ARHGAP22: variants seen among roughly 807,000 people sequenced by gnomAD.
The protein encoded by ARHGAP22 is rho GTPase-activating protein 22.
A neutral mutation model predicts 59.1 loss-of-function variants in ARHGAP22; 48 were observed. The observed-to-expected ratio is 0.81, with a 90% CI of 0.64 to 1.03. The LOEUF (loss-of-function observed/expected upper bound fraction) is 1.03, where lower values mean the gene tolerates loss of function less well. Ranked by LOEUF, ARHGAP22 falls within the 50% of genes least tolerant of loss-of-function variation. The probability of loss-of-function intolerance (pLI) is 0.00; values close to 1 mark genes in which losing one functional copy is unlikely to be tolerated. For synonymous variants in ARHGAP22, 445 were observed against 416.4 expected (o/e 1.07, Z -0.84); for missense variants, 1,015 against 958.7 (o/e 1.06, Z -0.78).
intron 3 of ARHGAP22, among the ~76,000 whole-genome samples, chr10:48,530,572 GAAGAA>G: frequency 6.6e-6 from 1 of 151,960 alleles, no homozygotes; most frequent in South Asian, 2.1e-4. Flanking sequence ...AAATCAACAA[GAAGAA>G]AACAAACAAT....
At chr10:48,461,249 TA>T (rs1486532904) in intron 4 of ARHGAP22, among the ~76,000 whole-genome samples, 1 of 152,170 alleles carries the variant, frequency 6.6e-6, no homozygotes, top group Non-Finnish European at 1.5e-5. Context: ...TATGTAAAGT[TA>T]AAAACAGGTC....
intron 1 of ARHGAP22, among the ~76,000 whole-genome samples, chr10:48,617,162 A>G (rs2061112310): frequency 6.6e-6 from 1 of 152,000 alleles, no homozygotes; most frequent in South Asian, 2.1e-4. Context: ...TTAAAATATG[A>G]TCCCCTATGC....
intron 3 of ARHGAP22, among the ~76,000 whole-genome samples, chr10:48,506,854 T>C (rs2052192521): frequency 6.6e-6 from 1 of 152,154 alleles, no homozygotes; most frequent in African/African-American, 2.4e-5. Context: ...TATTTTTCCA[T>C]TTTCTGCAGA....
intron 1 of ARHGAP22, among the ~76,000 whole-genome samples, chr10:48,593,883 T>C (rs1292993332): frequency 1.3e-5 from 2 of 152,214 alleles, no homozygotes; most frequent in East Asian, 3.8e-4. Flanking sequence ...CACAGTTAGG[T>C]CTGGAAGGAA....
the ARHGAP22 span, among the ~76,000 whole-genome samples, chr10:48,432,849 T>C: frequency 6.6e-6 from 1 of 152,242 alleles, no homozygotes; most frequent in South Asian, 2.1e-4. Context: ...TTCTGGATCC[T>C]CAGTTATAGC....
At chr10:48,439,784 A>G in the ARHGAP22 span, among the ~76,000 whole-genome samples, 1 of 152,194 alleles carries the variant, frequency 6.6e-6, no homozygotes, top group South Asian at 2.1e-4. Flanking sequence ...GTGTGGGAAT[A>G]CAGGGTCCCT....
At chr10:48,454,200 A>C in intron 6 of ARHGAP22, 39 bp from the exon 7 acceptor site, 2 of 1,501,382 alleles carry the variant, frequency 1.3e-6, no homozygotes, top group Non-Finnish European at 9.3e-7. Flanking sequence ...ACCGGCAATG[A>C]GGGCCCTGAC....
intron 3 of ARHGAP22, among the ~76,000 whole-genome samples, chr10:48,550,209 G>C (rs1042334663): frequency 2.6e-5 from 4 of 152,172 alleles, no homozygotes; most frequent in African/African-American, 9.7e-5. Flanking sequence ...CACTCCCTGC[G>C]TGCATTAGGG....
downstream of ARHGAP22, among the ~76,000 whole-genome samples, chr10:48,441,521 C>T (rs568547466): frequency 2.4e-4 from 36 of 151,056 alleles, no homozygotes; most frequent in Admixed American, 3.3e-4. Flanking sequence ...ACGTGATCTC[C>T]GCTCACTGCA....
At chr10:48,566,164 A>G (rs10491042) in intron 2 of ARHGAP22, among the ~76,000 whole-genome samples, 58,714 of 151,968 alleles carry the variant, frequency 0.39, 12,780 homozygotes, top group East Asian at 0.89. Context: ...TCTTTTTACC[A>G]AGTCTCCTGA....
At chr10:48,503,703 A>G (rs1312891699) in intron 3 of ARHGAP22, among the ~76,000 whole-genome samples, 1 of 152,218 alleles carries the variant, frequency 6.6e-6, no homozygotes, top group Admixed American at 6.5e-5. Flanking sequence ...TGGAACTGCA[A>G]TGTGCATCGA....
chr10:48,652,144 C>T lies in ARHGAP22; in HGVS notation c.52+90G>A, dbSNP rs555034306. 13 of 1,271,780 alleles carry T rather than the reference C, an allele frequency of 1.0e-5. No homozygotes were observed. The African/African-American group carries it at 1.9e-4, about 19-fold the overall frequency. 78.8% of individuals were successfully genotyped at this position (1,271,780 alleles called of 1,614,324 possible). On this transcript the variant is annotated intron_variant, in intron 1 of 9. Transcript: ENST00000435790. Reference sequence around the variant, plus strand: ...CCGCCTGGTGCTCTCAGCCACAAGACCAAGACAGCCTCCGGGGACCCCATC... The same window carrying T: ...CCGCCTGGTGCTCTCAGCCACAAGATCAAGACAGCCTCCGGGGACCCCATC...
intron 1 of ARHGAP22, among the ~76,000 whole-genome samples, chr10:48,650,295 T>C (rs1029923734): frequency 2.0e-5 from 3 of 151,808 alleles, no homozygotes; most frequent in African/African-American, 7.3e-5. Flanking sequence ...CTTGGAAAAA[T>C]TATGCTAAGT....
intron 1 of ARHGAP22, among the ~76,000 whole-genome samples, chr10:48,651,353 C>G (rs1463380834): frequency 6.6e-6 from 1 of 152,130 alleles, no homozygotes; most frequent in Admixed American, 6.5e-5. Context: ...AACTGCCAAC[C>G]ATCACCTACA....
rs550916792 is a variant in ARHGAP22 at position 48,615,784 on chromosome 10, C to T, written c.53-32632G>A. 5.9e-5 allele frequency among the ~76,000 whole-genome samples: 9 copies of T among 151,778 alleles called. No individual in the cohort carries two copies. In the East Asian group the frequency reaches 7.7e-4, roughly 13 times the overall value. On this transcript the variant is annotated intron_variant, in intron 1 of 9. Coordinates refer to the ARHGAP22 transcript ENST00000435790. ...TGATGTATCATCAAGTACTGAACTT[C>T]GATACAGAGAAATTATATAAAAAGA... is the stretch of plus-strand genomic sequence containing the variant.
intron 4 of ARHGAP22, among the ~76,000 whole-genome samples, chr10:48,474,221 T>A (rs1012980403): frequency 7.2e-5 from 11 of 152,254 alleles, no homozygotes; most frequent in Admixed American, 3.3e-4. Flanking sequence ...CTCCTGTAGA[T>A]GAAATTTTCT....
intron 2 of ARHGAP22, among the ~76,000 whole-genome samples, chr10:48,555,875 G>T (rs2057276377): frequency 6.6e-6 from 1 of 152,228 alleles, no homozygotes; most frequent in African/African-American, 2.4e-5. Flanking sequence ...GCCTTTCTGG[G>T]CCAGCAGGGT....
At chr10:48,608,986 C>T (rs1253941141), upstream of ARHGAP22, among the ~76,000 whole-genome samples, 1 of 152,182 alleles carries the variant, frequency 6.6e-6, no homozygotes, top group African/African-American at 2.4e-5. Context: ...TGCCATGCAT[C>T]TCTTCTCAAC....
chr10:48,441,174 G>A (rs2045192212), downstream of ARHGAP22, among the ~76,000 whole-genome samples: 1 of 152,182 alleles, frequency 6.6e-6, no homozygotes, highest in Non-Finnish European at 1.5e-5. Flanking sequence ...CTTTTCTTGT[G>A]AGGTCTGTGT....
Sources: allele counts gnomAD v4.1 joint callset (sites outside exome capture counted in the v4.1 genomes callset), GRCh38; gene constraint gnomAD v4.1.1; transcripts MANE v1.5; gene names NCBI Gene and HGNC (gene_info 2026-07-23, HGNC 2026-07-21).